Variants in BLTP3B observed in about 807,000 individuals in gnomAD.
BLTP3B encodes the protein UHRF1 (ICBP90) binding protein 1-like.
the BLTP3B span, among the ~76,000 whole-genome samples, chr12:100,087,221 A>G: frequency 1.3e-5 from 2 of 151,956 alleles, no homozygotes; most frequent in Non-Finnish European, 2.9e-5. Context: ...TAAGTTGTCC[A>G]AAGTCACACA....
At chr12:100,114,557 A>T in the BLTP3B span, among the ~76,000 whole-genome samples, 1 of 152,206 alleles carries the variant, frequency 6.6e-6, no homozygotes, top group Non-Finnish European at 1.5e-5. Flanking sequence ...GTTTTATAAG[A>T]ACCAGTATGT....
chr12:100,070,098 A>G, the BLTP3B span: 1 of 1,478,038 alleles, frequency 6.8e-7, no homozygotes, highest in Non-Finnish European at 9.0e-7. Flanking sequence ...GTGCCATTTT[A>G]CTCCCTATGA....
the BLTP3B span, among the ~76,000 whole-genome samples, chr12:100,089,333 C>T: frequency 2.6e-5 from 4 of 152,060 alleles, no homozygotes; most frequent in Admixed American, 1.3e-4. Flanking sequence ...CCGAGGCAGG[C>T]GAATCATCTG....
chr12:100,044,613 C>T, the BLTP3B span, among the ~76,000 whole-genome samples: 3 of 152,122 alleles, frequency 2.0e-5, no homozygotes, highest in African/African-American at 7.2e-5. Context: ...ACAGGCAATA[C>T]ACCGAAAGTA....
At chr12:100,089,918 A>G in the BLTP3B span, among the ~76,000 whole-genome samples, 124 of 152,254 alleles carry the variant, frequency 8.1e-4, no homozygotes, top group African/African-American at 2.9e-3. Context: ...TTCTGGTGGT[A>G]GTAAATAAGT....
chr12:100,117,052 C>T, the BLTP3B span, among the ~76,000 whole-genome samples: 2 of 152,112 alleles, frequency 1.3e-5, no homozygotes, highest in African/African-American at 4.8e-5. Flanking sequence ...CAGAAGTCTA[C>T]ACTAATATAA....
the BLTP3B span, among the ~76,000 whole-genome samples, chr12:100,041,675 T>C: frequency 6.6e-6 from 1 of 152,024 alleles, no homozygotes; most frequent in Admixed American, 6.6e-5. Flanking sequence ...GACCTGGTGA[T>C]CCACCCGCCT....
At chr12:100,048,771 AGTGTGTGTGTGTGT>A in the BLTP3B span, among the ~76,000 whole-genome samples, 7 of 114,980 alleles carry the variant, frequency 6.1e-5, no homozygotes, top group African/African-American at 2.0e-4. Flanking sequence ...AGTGAGAGTG[AGTGTGTGTGTGTGT>A]GTGTGTGTGT....
chr12:100,142,790 C>A, the BLTP3B span: 1 of 1,137,558 alleles, frequency 8.8e-7, no homozygotes, highest in South Asian at 1.7e-5. Context: ...AGGCCACAGC[C>A]GCCGCCGAGA....
the BLTP3B span, among the ~76,000 whole-genome samples, chr12:100,066,667 G>C: frequency 4.6e-5 from 7 of 150,758 alleles, no homozygotes; most frequent in South Asian, 1.5e-3. Context: ...AGCCAGGCAG[G>C]GTGGCAGGCA....
chr12:100,067,757 A>G, the BLTP3B span, among the ~76,000 whole-genome samples: 1 of 152,156 alleles, frequency 6.6e-6, no homozygotes, highest in Non-Finnish European at 1.5e-5. Context: ...TTAGGAATAT[A>G]CCTAACCAAG....
At chr12:100,069,970 A>G in the BLTP3B span, 2 of 1,202,012 alleles carry the variant, frequency 1.7e-6, no homozygotes, top group Admixed American at 4.4e-5. Context: ...CTGGAATACT[A>G]TGATTATGCA....
the BLTP3B span, chr12:100,051,394 G>A: frequency 3.8e-6 from 2 of 520,536 alleles, no homozygotes; most frequent in Non-Finnish European, 6.3e-6. Context: ...AACAATGAAT[G>A]TGCTATAATT....
At chr12:100,078,739 C>T in the BLTP3B span, among the ~76,000 whole-genome samples, 494 of 152,218 alleles carry the variant, frequency 3.2e-3, 2 homozygotes, top group African/African-American at 9.3e-3. Context: ...TGCTCCAAGA[C>T]GCTGTTTTAT....
chr12:100,037,883 A>C, the BLTP3B span: 3 of 779,312 alleles, frequency 3.8e-6, no homozygotes, highest in Non-Finnish European at 5.8e-6. Context: ...GAGTGCACTT[A>C]AGCTGAAAAC....
chr12:100,059,711 G>T, the BLTP3B span: 23 of 1,089,600 alleles, frequency 2.1e-5, no homozygotes, highest in African/African-American at 3.2e-4. Context: ...GAGTAAAGGG[G>T]ACTTACATGA....
At chr12:100,097,399 T>C in the BLTP3B span, 1 of 1,613,186 alleles carries the variant, frequency 6.2e-7, no homozygotes, top group Non-Finnish European at 8.5e-7. Context: ...TTTTGATTGG[T>C]TGGTTATTAA....
the BLTP3B span, among the ~76,000 whole-genome samples, chr12:100,087,625 T>C: frequency 1.3e-5 from 2 of 152,224 alleles, no homozygotes; most frequent in Non-Finnish European, 2.9e-5. Context: ...AAAAAAAGTA[T>C]TGGCATAAGT....
chr12:100,063,144 T>C, the BLTP3B span, among the ~76,000 whole-genome samples: 1 of 152,048 alleles, frequency 6.6e-6, no homozygotes. Flanking sequence ...GAATTTTTGC[T>C]CCAGAATCAC....
Sources: gnomAD v4.1 joint callset for allele counts (sites outside exome capture counted in the v4.1 genomes callset) on GRCh38, gnomAD v4.1.1 for gene constraint, MANE v1.5 for transcripts, NCBI Gene and HGNC (gene_info 2026-07-23, HGNC 2026-07-21) for gene names.